DOCK3: variants seen among roughly 807,000 people sequenced by gnomAD.
DOCK3 encodes the protein dedicator of cytokinesis 3.
A neutral mutation model predicts 265.6 loss-of-function variants in DOCK3; 60 were observed. That is an observed-to-expected ratio of 0.23 (90% CI 0.18 to 0.28). DOCK3 has a LOEUF of 0.28. DOCK3 is among the 10% of genes least tolerant of loss of function. The pLI is 1.00. For missense variants in DOCK3, 1,981 were observed against 2,594.3 expected (o/e 0.76, Z 5.14); for synonymous variants, 881 against 938.0 (o/e 0.94, Z 1.11).
chr3:51,378,212 C>CA (rs1349006514), intron 51 of DOCK3, among the ~76,000 whole-genome samples: 1 of 152,242 alleles, frequency 6.6e-6, no homozygotes, highest in Non-Finnish European at 1.5e-5. Context: ...CGCCAGCTAT[C>CA]AACCATACCA....
chr3:51,160,206 A>C (rs776600925), intron 11 of DOCK3, among the ~76,000 whole-genome samples: 7 of 152,258 alleles, frequency 4.6e-5, no homozygotes, highest in Non-Finnish European at 7.3e-5. Context: ...TAAACTTTGT[A>C]TCTAAAACAT....
chr3:50,809,517 C>G (rs2043618641), intron 2 of DOCK3, among the ~76,000 whole-genome samples: 1 of 152,208 alleles, frequency 6.6e-6, no homozygotes, highest in Non-Finnish European at 1.5e-5. Context: ...GCACTATATA[C>G]TATAGCTGAA....
chr3:50,768,994 GATGATTA>G (rs2041096739), intron 1 of DOCK3, among the ~76,000 whole-genome samples: 2 of 151,734 alleles, frequency 1.3e-5, no homozygotes, highest in Non-Finnish European at 1.5e-5. Context: ...ACATTTCTCT[GATGATTA>G]ATGATGTTGA....
At chr3:50,723,565 T>G (rs2037613905) in intron 1 of DOCK3, among the ~76,000 whole-genome samples, 4 of 152,134 alleles carry the variant, frequency 2.6e-5, no homozygotes, top group Admixed American at 2.6e-4. Flanking sequence ...CATCTGATCT[T>G]TGACAAACTT....
intron 3 of DOCK3, among the ~76,000 whole-genome samples, chr3:50,867,004 A>C (rs1483775255): frequency 6.6e-6 from 1 of 152,132 alleles, no homozygotes; most frequent in Non-Finnish European, 1.5e-5. Flanking sequence ...GATTTCATTG[A>C]ATCTGTAGAT....
chr3:50,791,504 C>T (rs1387874207), intron 2 of DOCK3, among the ~76,000 whole-genome samples: 2 of 152,062 alleles, frequency 1.3e-5, no homozygotes, highest in South Asian at 4.1e-4. Context: ...GAACTCCTGA[C>T]CTCAGGTGAT....
chr3:50,897,464 A>G (rs1162822265), intron 4 of DOCK3, among the ~76,000 whole-genome samples: 3 of 152,044 alleles, frequency 2.0e-5, no homozygotes, highest in Non-Finnish European at 4.4e-5. Flanking sequence ...CTATTTGAAT[A>G]CCCTTTATTT....
At chr3:50,797,279 C>A (rs1052588021) in intron 2 of DOCK3, among the ~76,000 whole-genome samples, 1 of 151,952 alleles carries the variant, frequency 6.6e-6, no homozygotes, top group Non-Finnish European at 1.5e-5. Flanking sequence ...CGCTGTCAGG[C>A]GCAGGCCTGT....
chr3:50,734,288 C>G (rs996236746), intron 1 of DOCK3, among the ~76,000 whole-genome samples: 12 of 152,272 alleles, frequency 7.9e-5, no homozygotes, highest in Middle Eastern at 3.4e-3. Context: ...GTTGGAGGAT[C>G]ACTTGATCCC....
At chr3:50,908,844 G>A (rs1321206464) in intron 4 of DOCK3, among the ~76,000 whole-genome samples, 1 of 152,038 alleles carries the variant, frequency 6.6e-6, no homozygotes, top group Non-Finnish European at 1.5e-5. Flanking sequence ...TTTTGTGGGA[G>A]TCTAAGTCTC....
At chr3:51,210,249 AG>A (rs1482124258) in intron 13 of DOCK3, among the ~76,000 whole-genome samples, 1 of 152,224 alleles carries the variant, frequency 6.6e-6, no homozygotes, top group African/African-American at 2.4e-5. Context: ...CAGAGCGAGC[AG>A]GGACTGTGCC....
At chr3:50,719,902 T>C in intron 1 of DOCK3, 1 of 611,238 alleles carries the variant, frequency 1.6e-6, no homozygotes, top group Non-Finnish European at 3.0e-6. Context: ...CTTTGTCTGC[T>C]AACAGCTTGA....
intron 5 of DOCK3, among the ~76,000 whole-genome samples, chr3:50,959,106 T>C (rs990206784): frequency 6.6e-6 from 1 of 152,240 alleles, no homozygotes; most frequent in Non-Finnish European, 1.5e-5. Context: ...ATCTGCTGTT[T>C]CCGTAGATTT....
chr3:51,378,214 A>G (rs2088296102), intron 51 of DOCK3, among the ~76,000 whole-genome samples: 1 of 152,194 alleles, frequency 6.6e-6, no homozygotes, highest in African/African-American at 2.4e-5. Context: ...CCAGCTATCA[A>G]CCATACCAGG....
chr3:51,238,059 A>G (rs543255713), intron 21 of DOCK3, among the ~76,000 whole-genome samples: 2 of 146,964 alleles, frequency 1.4e-5, no homozygotes, highest in Non-Finnish European at 3.0e-5. Flanking sequence ...ATGTTTTAGC[A>G]TGGGTCAGAA....
At chr3:51,089,134 G>T in intron 7 of DOCK3, 109 bp from the exon 8 acceptor site, 1 of 1,093,282 alleles carries the variant, frequency 9.1e-7, no homozygotes. Context: ...AGAATTAAAT[G>T]AGATCATGAA....
Position 50,675,438 on chromosome 3 carries a change from G to C in DOCK3, c.37+138G>C. 5.2e-6 allele frequency: 4 copies of C among 774,568 alleles called. No homozygotes were observed. Among genetic ancestry groups the C allele is most frequent in the Non-Finnish European group, 6.7e-6 (4 of 600,732 alleles). 48.0% of individuals were successfully genotyped at this position (774,568 alleles called of 1,614,324 possible). On this transcript the variant is annotated intron_variant, in intron 1 of 52. Transcript: ENST00000266037. This position sits in a 1 kb window ranked among gnomAD's most constrained non-coding sequence, Gnocchi z 6.1. Reference sequence around the variant, plus strand: ...CCTCGGCGCGGGGCGAGCGCGGGGTGGGGGCAGGTGCGGGTGCGGGTGCGG... The same window carrying C: ...CCTCGGCGCGGGGCGAGCGCGGGGTCGGGGCAGGTGCGGGTGCGGGTGCGG...
chr3:51,193,375 T>C (rs564761413), intron 12 of DOCK3, among the ~76,000 whole-genome samples: 135 of 152,074 alleles, frequency 8.9e-4, no homozygotes, highest in African/African-American at 3.2e-3. Context: ...ACATATAGTT[T>C]TCGTTGTTGT....
intron 4 of DOCK3, among the ~76,000 whole-genome samples, chr3:50,915,872 G>T (rs1231765066): frequency 1.3e-5 from 2 of 151,986 alleles, no homozygotes; most frequent in African/African-American, 4.8e-5. Context: ...TAGGGGGAAG[G>T]TTAGGTAGAG....
Sources: allele counts gnomAD v4.1 joint callset (sites outside exome capture counted in the v4.1 genomes callset), GRCh38; gene constraint gnomAD v4.1.1; non-coding constraint Gnocchi (gnomAD v3.1); transcripts MANE v1.5; gene names NCBI Gene and HGNC (gene_info 2026-07-23, HGNC 2026-07-21).